The following EYA1 variants were observed in gnomAD, a reference collection of about 807,000 sequenced individuals.
EYA1 encodes EYA transcriptional coactivator and phosphatase 1, also known as protein phosphatase EYA1.
Under a neutral mutation model 82.0 loss-of-function variants are expected in EYA1, and 16 were observed. The ratio of observed to expected loss-of-function variants is 0.20; its 90% CI spans 0.13 to 0.30. The LOEUF is 0.30. EYA1 is among the 10% of genes least tolerant of loss of function. The pLI, the probability that EYA1 is intolerant of heterozygous loss-of-function variation, is 1.00. For synonymous variants in EYA1, 261 were observed against 264.4 expected, an observed-to-expected ratio of 0.99 and a Z score of 0.12; for missense variants, 633 against 730.7, an observed-to-expected ratio of 0.87 and a Z score of 1.54.
intron 10 of EYA1, among the ~76,000 whole-genome samples, chr8:71,271,410 A>G (rs1004963123): frequency 5.9e-5 from 9 of 152,206 alleles, no homozygotes; most frequent in South Asian, 2.1e-4. Flanking sequence ...CCTTTTAACA[A>G]GTGGATTTTA....
At chr8:71,331,012 C>G (rs7822397) in intron 4 of EYA1, among the ~76,000 whole-genome samples, 139,225 of 152,034 alleles carry the variant, frequency 0.92, 63,881 homozygotes, top group East Asian at 0.99. Context: ...GAGTGGATTA[C>G]TAGGTCAAGA....
rs758016427 is a variant in EYA1 at position 71,299,670 on chromosome 8, T to C, written c.607A>G (p.Thr203Ala). Residue 203 changes from threonine (T) to alanine (A), a missense_variant, in exon 8 of 18, where the codon ACA (threonine) becomes GCA (alanine). Transcript: ENST00000340726. ...GAACTATTAAATCCAGAGGAATTTG[T>C]GAGTGAATTATTTCCTGTATATATT... ...SGIYTGNNSL[T>A]NSSGFNSSQQ... 6.3e-7 allele frequency: 1 copy of C among 1,596,622 alleles called. No homozygotes were observed. Among genetic ancestry groups the C allele is most frequent in the South Asian group, 1.1e-5 (1 of 90,688 alleles).
chr8:71,416,318 A>G (rs1830851576), intron 2 of EYA1, among the ~76,000 whole-genome samples: 1 of 152,090 alleles, frequency 6.6e-6, no homozygotes, highest in African/African-American at 2.4e-5. Flanking sequence ...ATGCCTCTCT[A>G]TTCCTTACTG....
intron 2 of EYA1, among the ~76,000 whole-genome samples, chr8:71,493,936 T>C (rs1399274253): frequency 7.5e-6 from 1 of 133,150 alleles, no homozygotes; most frequent in Non-Finnish European, 1.5e-5. Flanking sequence ...GGCAGGAGAA[T>C]GGCGTGATCC....
At chr8:71,342,579 C>G (rs1401336842) in intron 3 of EYA1, among the ~76,000 whole-genome samples, 2 of 152,042 alleles carry the variant, frequency 1.3e-5, no homozygotes, top group African/African-American at 4.8e-5. Context: ...CCCTCTAACA[C>G]CAAAACATTT....
chr8:71,458,925 C>T (rs979231384), intron 2 of EYA1, among the ~76,000 whole-genome samples: 2 of 152,044 alleles, frequency 1.3e-5, no homozygotes, highest in African/African-American at 4.8e-5. Context: ...AGAAAACACA[C>T]AGAAATACAT....
At chr8:71,468,288 A>T (rs1294477814) in intron 2 of EYA1, among the ~76,000 whole-genome samples, 1 of 152,014 alleles carries the variant, frequency 6.6e-6, no homozygotes, top group African/African-American at 2.4e-5. Context: ...CTTCCCACTC[A>T]CTACTCTCTC....
At chr8:71,360,422 A>G (rs1225123726) in intron 1 of EYA1, among the ~76,000 whole-genome samples, 1 of 152,336 alleles carries the variant, frequency 6.6e-6, no homozygotes, top group Non-Finnish European at 1.5e-5. Flanking sequence ...TGAGAAAATC[A>G]TTTATCATGT....
intron 12 of EYA1, among the ~76,000 whole-genome samples, chr8:71,243,980 G>A (rs2128903471): frequency 6.6e-6 from 1 of 152,304 alleles, no homozygotes; most frequent in South Asian, 2.1e-4. Context: ...TTCTCATAAT[G>A]GAGATATGAA....
In EYA1 at chr8:71,215,410, T is replaced by C; in HGVS notation, c.1574A>G (p.Asn525Ser). 1 of 1,613,278 alleles carries C rather than the reference T, an allele frequency of 6.2e-7. No homozygotes were observed. ...YGLGIVFPIE[N>S]IYSATKIGKE... is the part of the protein sequence containing the mutation. The stretch of plus-strand genomic sequence containing the variant: ...ACCTATTTTAGTTGCACTGTAAATA[T>C]TTTCTATTGGAAATACAATTCCTAA... The change falls in exon 16 of 18, where the codon AAT becomes AGT. Residue 525 changes from asparagine (N) to serine (S), a missense_variant. By Grantham distance (46) the Asn-to-Ser change is conservative. Transcript: ENST00000340726.
intron 17 of EYA1, among the ~76,000 whole-genome samples, chr8:71,201,850 T>G (rs1464904496): frequency 6.6e-6 from 1 of 152,234 alleles, no homozygotes; most frequent in Non-Finnish European, 1.5e-5. Flanking sequence ...TATATTCTCT[T>G]TATTTCTAAT....
At chr8:71,541,890 CT>C (rs1388791421) in intron 1 of EYA1, among the ~76,000 whole-genome samples, 3 of 152,158 alleles carry the variant, frequency 2.0e-5, no homozygotes, top group African/African-American at 7.2e-5. Flanking sequence ...ACAGAAACAG[CT>C]TCTCAGCCTA....
At chr8:71,268,963 C>A (rs909876374) in intron 11 of EYA1, among the ~76,000 whole-genome samples, 5 of 152,076 alleles carry the variant, frequency 3.3e-5, no homozygotes, top group African/African-American at 1.2e-4. Context: ...AAACCTAAGA[C>A]TTATTATTTC....
chr8:71,355,510 T>C (rs1015785322), intron 2 of EYA1, among the ~76,000 whole-genome samples: 4 of 152,226 alleles, frequency 2.6e-5, no homozygotes, highest in African/African-American at 9.6e-5. Context: ...ATTGTTCCTC[T>C]GTTTCCCTTG....
At chr8:71,464,929 A>G (rs2129194698) in intron 2 of EYA1, among the ~76,000 whole-genome samples, 1 of 152,310 alleles carries the variant, frequency 6.6e-6, no homozygotes, top group Non-Finnish European at 1.5e-5. Context: ...AACCAAGATT[A>G]CAACTTCCCC....
chr8:71,535,571 T>A (rs1814647593), intron 2 of EYA1, among the ~76,000 whole-genome samples: 1 of 152,200 alleles, frequency 6.6e-6, no homozygotes, highest in South Asian at 2.1e-4. Context: ...ATAAATTAGG[T>A]TAGGCTGATG....
At chr8:71,448,024 T>TTTTTTTTTTTTTTTAGGTAACGGA (rs1807031487) in intron 2 of EYA1, among the ~76,000 whole-genome samples, 1 of 56,610 alleles carries the variant, frequency 1.8e-5, no homozygotes, top group Non-Finnish European at 3.2e-5. Flanking sequence ...TTTTTTTTTT[T>TTTTTTTTTTTTTTTAGGTAACGGA]TTCTCGCTCC....
intron 1 of EYA1, among the ~76,000 whole-genome samples, chr8:71,357,066 CT>C (rs1475211049): frequency 9.2e-5 from 14 of 152,196 alleles, no homozygotes; most frequent in Admixed American, 8.5e-4. Context: ...AAAACAGCTT[CT>C]GGGCAACTTC....
At chr8:71,359,450 T>A (rs945240325) in intron 1 of EYA1, among the ~76,000 whole-genome samples, 1 of 152,194 alleles carries the variant, frequency 6.6e-6, no homozygotes, top group Admixed American at 6.5e-5. Context: ...ACACATTTTA[T>A]CACATTTTCC....
Sources: allele counts gnomAD v4.1 joint callset (sites outside exome capture counted in the v4.1 genomes callset), GRCh38; gene constraint gnomAD v4.1.1; transcripts MANE v1.5; gene names NCBI Gene and HGNC (gene_info 2026-07-23, HGNC 2026-07-21).